The following PLCL2 variants were observed in gnomAD, a reference collection of about 807,000 sequenced individuals.
PLCL2 encodes the protein inactive phospholipase C-like protein 2.
A neutral mutation model predicts 79.6 loss-of-function variants in PLCL2; 4 were observed. The observed-to-expected ratio is 0.05, with a 90% CI of 0.02 to 0.11. The LOEUF (loss-of-function observed/expected upper bound fraction) is 0.11. Among genes scored for constraint, PLCL2 ranks in the 10% least tolerant of loss-of-function variants. PLCL2 has a pLI of 1.00. For missense variants in PLCL2, 895 were observed against 1,291.0 expected, an observed-to-expected ratio of 0.69 and a Z score of 4.70; for synonymous variants, 484 against 457.7, an observed-to-expected ratio of 1.06 and a Z score of -0.73.
intron 1 of PLCL2, among the ~76,000 whole-genome samples, chr3:16,930,073 G>T (rs1697356839): frequency 6.6e-6 from 1 of 152,232 alleles, no homozygotes; most frequent in African/African-American, 2.4e-5. Flanking sequence ...TGTGCAGCCA[G>T]AATTCGCCTG....
intron 1 of PLCL2, among the ~76,000 whole-genome samples, chr3:16,936,906 A>G (rs915269843): frequency 5.3e-5 from 8 of 152,044 alleles, no homozygotes; most frequent in Non-Finnish European, 1.0e-4. Flanking sequence ...TCTTATCTTT[A>G]TAGTCCAGGA....
intron 1 of PLCL2, among the ~76,000 whole-genome samples, chr3:16,940,434 C>T (rs1697651557): frequency 6.6e-6 from 1 of 152,276 alleles, no homozygotes; most frequent in East Asian, 1.9e-4. Flanking sequence ...CAACTAAGTT[C>T]CATGTTGTAA....
chr3:16,896,729 G>GTC (rs1696488484), intron 1 of PLCL2, among the ~76,000 whole-genome samples: 1 of 152,114 alleles, frequency 6.6e-6, no homozygotes. Context: ...ATCTCAGGTG[G>GTC]TCGGTCAACA....
At chr3:16,906,246 C>T (rs1696749977) in intron 1 of PLCL2, among the ~76,000 whole-genome samples, 1 of 152,036 alleles carries the variant, frequency 6.6e-6, no homozygotes, top group Admixed American at 6.6e-5. Context: ...CCTGTTGTAC[C>T]CAGTGAATAA....
intron 1 of PLCL2, among the ~76,000 whole-genome samples, chr3:16,985,321 A>G (rs763423122): frequency 2.0e-5 from 3 of 152,102 alleles, no homozygotes; most frequent in Non-Finnish European, 2.9e-5. Context: ...CTTTTCTAGT[A>G]CTTCCATAGT....
intron 1 of PLCL2, among the ~76,000 whole-genome samples, chr3:16,997,986 A>C (rs1389053061): frequency 6.6e-6 from 1 of 152,172 alleles, no homozygotes; most frequent in African/African-American, 2.4e-5. Flanking sequence ...ATTTTAAAAT[A>C]ATTATGGAAT....
chr3:16,980,339 C>CG (rs1412727520), intron 1 of PLCL2, among the ~76,000 whole-genome samples: 1 of 145,276 alleles, frequency 6.9e-6, no homozygotes, highest in East Asian at 2.1e-4. Context: ...ACTTCCCAGA[C>CG]GGGGTGGCTG....
intron 4 of PLCL2, among the ~76,000 whole-genome samples, chr3:17,052,535 A>G (rs1345614028): frequency 6.6e-6 from 1 of 152,200 alleles, no homozygotes; most frequent in Non-Finnish European, 1.5e-5. Context: ...AAGTGGAAGA[A>G]GTACTGGTAC....
chr3:17,005,395 A>G (rs1415877681), intron 1 of PLCL2, among the ~76,000 whole-genome samples: 1 of 152,156 alleles, frequency 6.6e-6, no homozygotes, highest in African/African-American at 2.4e-5. Context: ...AGAATTTATG[A>G]AATTACCCAT....
intron 4 of PLCL2, among the ~76,000 whole-genome samples, chr3:17,044,940 G>A (rs564238888): frequency 6.6e-6 from 1 of 152,186 alleles, no homozygotes. Context: ...AATAACCACT[G>A]TGTAATGGTT....
At chr3:17,057,392 G>A (rs940663792) in intron 4 of PLCL2, among the ~76,000 whole-genome samples, 3 of 152,090 alleles carry the variant, frequency 2.0e-5, no homozygotes, top group Non-Finnish European at 4.4e-5. Flanking sequence ...GGACTCACTC[G>A]GGGACTCAGT....
intron 1 of PLCL2, among the ~76,000 whole-genome samples, chr3:16,936,866 G>A (rs957012246): frequency 6.6e-6 from 1 of 152,050 alleles, no homozygotes; most frequent in African/African-American, 2.4e-5. Context: ...GCTTTCTGAT[G>A]TTGTCCAGGT....
At chr3:16,895,765 G>A (rs1055997197) in intron 1 of PLCL2, among the ~76,000 whole-genome samples, 3 of 152,080 alleles carry the variant, frequency 2.0e-5, no homozygotes, top group Admixed American at 6.5e-5. Context: ...TGAGGAAAAG[G>A]AAGAAAGAAC....
chr3:16,917,453 T>C (rs1191527697), intron 1 of PLCL2, among the ~76,000 whole-genome samples: 5 of 152,184 alleles, frequency 3.3e-5, no homozygotes, highest in African/African-American at 1.2e-4. Context: ...ATCAGAAATG[T>C]CTTGTCTCTG....
At chr3:17,051,537 TG>T (rs141644965) in intron 4 of PLCL2, among the ~76,000 whole-genome samples, 27,586 of 151,578 alleles carry the variant, frequency 0.18, 3,033 homozygotes, top group East Asian at 0.56. Flanking sequence ...TACCCTGTTC[TG>T]GGGGGAAAAA....
At chr3:17,080,996 C>A (rs2065157084) in intron 5 of PLCL2, among the ~76,000 whole-genome samples, 1 of 152,156 alleles carries the variant, frequency 6.6e-6, no homozygotes, top group African/African-American at 2.4e-5. Context: ...AACAAACATA[C>A]CAGAGAGAAA....
chr3:16,977,981 G>T (rs2063943683), intron 1 of PLCL2, among the ~76,000 whole-genome samples: 1 of 152,120 alleles, frequency 6.6e-6, no homozygotes. Context: ...ATTTATTAGG[G>T]CTCTGCCCTC....
In PLCL2 at chr3:16,965,639, C is replaced by T. The variant is rs550189743; in HGVS notation, c.328-44035C>T. On this transcript the variant is annotated intron_variant, in intron 1 of 5. Transcript: ENST00000615277. ...TATGGCCATTTTCACGATATTGATT[C>T]TTCCTATCCATGAGCATGGAATGTT... is the stretch of plus-strand genomic sequence containing the variant. 9.7e-4 allele frequency among the ~76,000 whole-genome samples: 147 copies of T among 150,974 alleles called. 2 individuals are homozygous for T. In the South Asian group the frequency reaches 0.03, roughly 31 times the overall value.
At chr3:16,970,747 T>C (rs1352766642) in intron 1 of PLCL2, among the ~76,000 whole-genome samples, 3 of 144,036 alleles carry the variant, frequency 2.1e-5, no homozygotes, top group African/African-American at 5.2e-5. Context: ...TTTTAATGAT[T>C]GCCATTCTAA....
Sources: gnomAD v4.1 joint callset for allele counts (sites outside exome capture counted in the v4.1 genomes callset) on GRCh38, gnomAD v4.1.1 for gene constraint, MANE v1.5 for transcripts, NCBI Gene and HGNC (gene_info 2026-07-23, HGNC 2026-07-21) for gene names.